Variants in CSMD3 observed in about 807,000 individuals in gnomAD.
CSMD3 encodes CUB and sushi domain-containing protein 3.
A neutral mutation model predicts 435.2 loss-of-function variants in CSMD3; 177 were observed. The ratio of observed to expected loss-of-function variants is 0.41; its 90% CI spans 0.36 to 0.46. The LOEUF (loss-of-function observed/expected upper bound fraction) is 0.46, where lower values mean the gene tolerates loss of function less well. CSMD3 is among the 20% of genes least tolerant of loss of function. The pLI is 0.34. For synonymous variants in CSMD3, 1,656 were observed against 1,520.5 expected (o/e 1.09, Z -2.07); for missense variants, 4,265 against 4,504.6 (o/e 0.95, Z 1.52).
At chr8:112,753,981 G>GAGCA (rs2077633622) in intron 13 of CSMD3, among the ~76,000 whole-genome samples, 1 of 48,500 alleles carries the variant, frequency 2.1e-5, no homozygotes, top group Non-Finnish European at 6.5e-5. Flanking sequence ...AAGAAGAATG[G>GAGCA]AGCTGTGTGG....
In CSMD3 at chr8:113,307,065, T is replaced by G. The variant is rs73339718; in HGVS notation, c.401+7506A>C. Among the ~76,000 whole-genome samples, 541 of 152,088 alleles carry G rather than the reference T, an allele frequency of 3.6e-3. 3 individuals carry two copies. Among genetic ancestry groups the G allele is most frequent in the African/African-American group, 0.012 (504 of 41,538 alleles). ...AATTTAGCCATGGTAATGAAATATA[T>G]TCTAGAATAATGACCAAGAAGGTAT... is the stretch of plus-strand genomic sequence containing the variant. On this transcript the variant is annotated intron_variant, in intron 2 of 70. Coordinates refer to ENST00000297405, the MANE Select transcript of CSMD3 (RefSeq NM_198123.2).
chr8:112,541,689 T>C (rs1826677066), intron 27 of CSMD3, among the ~76,000 whole-genome samples: 1 of 151,846 alleles, frequency 6.6e-6, no homozygotes, highest in African/African-American at 2.4e-5. Context: ...AAGAATTAAT[T>C]TCTATCCTTC....
At chr8:113,123,629 A>G (rs1039596532) in intron 4 of CSMD3, among the ~76,000 whole-genome samples, 3 of 152,014 alleles carry the variant, frequency 2.0e-5, no homozygotes, top group African/African-American at 7.2e-5. Context: ...TGCTCTCCTG[A>G]ATATCCACCT....
At chr8:113,334,933 G>A (rs559120944) in intron 1 of CSMD3, among the ~76,000 whole-genome samples, 9 of 152,028 alleles carry the variant, frequency 5.9e-5, no homozygotes, top group African/African-American at 2.2e-4. Flanking sequence ...CCTAATATTG[G>A]CCATACGGTT....
At chr8:112,588,849 G>C (rs1830946250) in intron 22 of CSMD3, among the ~76,000 whole-genome samples, 1 of 151,986 alleles carries the variant, frequency 6.6e-6, no homozygotes, top group African/African-American at 2.4e-5. Flanking sequence ...ATAATGCCAG[G>C]CGTCCATCAC....
intron 10 of CSMD3, among the ~76,000 whole-genome samples, chr8:112,869,126 C>A (rs1424004312): frequency 6.6e-6 from 1 of 152,092 alleles, no homozygotes; most frequent in Non-Finnish European, 1.5e-5. Flanking sequence ...ACTGAGTGAA[C>A]ACCAGAAGAG....
chr8:113,340,756 C>T (rs151204735), intron 1 of CSMD3, among the ~76,000 whole-genome samples: 2 of 151,984 alleles, frequency 1.3e-5, no homozygotes, highest in African/African-American at 4.8e-5. Flanking sequence ...GTAGTCCCAG[C>T]TACTCAGGAG....
intron 3 of CSMD3, among the ~76,000 whole-genome samples, chr8:113,255,924 G>A (rs1230401642): frequency 6.6e-6 from 1 of 151,880 alleles, no homozygotes; most frequent in Admixed American, 6.6e-5. Flanking sequence ...CAAATTAAAG[G>A]AGAAATAAAG....
At chr8:113,138,702 T>C (rs2091475930) in intron 4 of CSMD3, among the ~76,000 whole-genome samples, 1 of 151,272 alleles carries the variant, frequency 6.6e-6, no homozygotes, top group South Asian at 2.1e-4. Context: ...GACATTTTAC[T>C]GTGAGAGACA....
intron 59 of CSMD3, among the ~76,000 whole-genome samples, chr8:112,277,544 A>G (rs1818188865): frequency 6.6e-6 from 1 of 151,916 alleles, no homozygotes; most frequent in Non-Finnish European, 1.5e-5. Flanking sequence ...AACTGTTCCA[A>G]CCTCTGCCTA....
chr8:113,275,640 G>C (rs1208818839), intron 3 of CSMD3, among the ~76,000 whole-genome samples: 1 of 151,952 alleles, frequency 6.6e-6, no homozygotes, highest in Non-Finnish European at 1.5e-5. Context: ...TGATTATATA[G>C]AGGAGGATGA....
intron 1 of CSMD3, among the ~76,000 whole-genome samples, chr8:113,396,572 G>A (rs2094484467): frequency 1.3e-5 from 2 of 151,942 alleles, no homozygotes; most frequent in Non-Finnish European, 2.9e-5. Flanking sequence ...TAAATTTGGG[G>A]GTAATTTGTC....
intron 7 of CSMD3, among the ~76,000 whole-genome samples, chr8:112,958,345 T>C (rs2084107695): frequency 6.6e-6 from 1 of 152,162 alleles, no homozygotes; most frequent in East Asian, 1.9e-4. Flanking sequence ...AGTTTGACTG[T>C]TTTTTTGTTT....
chr8:112,791,620 T>C (rs1039052022), intron 13 of CSMD3, among the ~76,000 whole-genome samples: 4 of 151,322 alleles, frequency 2.6e-5, no homozygotes, highest in African/African-American at 9.8e-5. Context: ...CAATTTTTGT[T>C]ATATACTCAC....
In CSMD3 at chr8:112,224,482, C is replaced by A; in HGVS notation, c.*289G>T. 1 of 415,398 alleles carries A rather than the reference C, an allele frequency of 2.4e-6. No homozygotes were observed. Among genetic ancestry groups the A allele is most frequent in the Non-Finnish European group, 4.5e-6 (1 of 221,212 alleles). The allele number at this position is 415,398 out of a possible 1,614,324, so 25.7% of individuals were successfully genotyped here. On this transcript the variant is annotated 3_prime_UTR_variant, in exon 71 of 71. Coordinates refer to ENST00000297405, the MANE Select transcript of CSMD3 (RefSeq NM_198123.2). ...GAAATACTGATAGTGGATGCTCCTC[C>A]AATATATGCAAATAAGTTTATATTT...
intron 29 of CSMD3, among the ~76,000 whole-genome samples, chr8:112,504,630 C>G (rs1453989012): frequency 6.6e-6 from 1 of 152,016 alleles, no homozygotes; most frequent in Non-Finnish European, 1.5e-5. Flanking sequence ...AATACATTAT[C>G]AGAATTAGGT....
At chr8:112,391,865 T>A (rs1309198471) in intron 35 of CSMD3, among the ~76,000 whole-genome samples, 1 of 152,162 alleles carries the variant, frequency 6.6e-6, no homozygotes, top group Non-Finnish European at 1.5e-5. Context: ...AAGGCTTCTA[T>A]CATTTTTAGA....
chr8:112,933,227 A>G (rs2083172344), intron 9 of CSMD3, among the ~76,000 whole-genome samples: 1 of 152,136 alleles, frequency 6.6e-6, no homozygotes, highest in African/African-American at 2.4e-5. Context: ...GTGTATAATG[A>G]TAAAAATATC....
chr8:112,635,201 T>C (rs892627143), intron 22 of CSMD3, among the ~76,000 whole-genome samples: 1 of 152,086 alleles, frequency 6.6e-6, no homozygotes, highest in Non-Finnish European at 1.5e-5. Flanking sequence ...GAATGCTTCC[T>C]ATATTCAAGG....
Sources: allele counts gnomAD v4.1 joint callset (sites outside exome capture counted in the v4.1 genomes callset), GRCh38; gene constraint gnomAD v4.1.1; transcripts MANE v1.5; gene names NCBI Gene and HGNC (gene_info 2026-07-23, HGNC 2026-07-21).